The following RSU1 variants were observed in gnomAD, a reference collection of about 807,000 sequenced individuals.
The protein encoded by RSU1 is rsu-1.
RSU1 carries 26 observed loss-of-function variants against 31.1 expected under a neutral mutation model. That is an observed-to-expected ratio of 0.84 (90% CI 0.61 to 1.16). RSU1 has a LOEUF of 1.16. Among genes scored for constraint, RSU1 ranks in the 50% most tolerant of loss-of-function variants. The probability of loss-of-function intolerance (pLI) is 0.00; values close to 1 mark genes in which losing one functional copy is unlikely to be tolerated. For missense variants in RSU1, 320 were observed against 339.1 expected, an observed-to-expected ratio of 0.94 and a Z score of 0.44; for synonymous variants, 164 against 136.3, an observed-to-expected ratio of 1.20 and a Z score of -1.41.
At chr10:16,753,475 G>C (rs1403745484) in intron 5 of RSU1, among the ~76,000 whole-genome samples, 2 of 152,112 alleles carry the variant, frequency 1.3e-5, no homozygotes, top group Admixed American at 6.6e-5. Context: ...TTAATGGAAG[G>C]CTTTCTGGTG....
intron 8 of RSU1, among the ~76,000 whole-genome samples, chr10:16,600,699 C>T (rs1833703199): frequency 6.6e-6 from 1 of 151,828 alleles, no homozygotes; most frequent in Non-Finnish European, 1.5e-5. Context: ...GTAGCTGGGG[C>T]TACAGGTGCA....
chr10:16,674,673 A>G (rs1352110871), intron 8 of RSU1, among the ~76,000 whole-genome samples: 2 of 152,076 alleles, frequency 1.3e-5, no homozygotes, highest in Non-Finnish European at 2.9e-5. Context: ...AATGGAAAAA[A>G]CTTTGCTGAG....
intron 7 of RSU1, among the ~76,000 whole-genome samples, chr10:16,710,998 T>C (rs923220947): frequency 1.3e-5 from 2 of 152,198 alleles, no homozygotes; most frequent in South Asian, 2.1e-4. Flanking sequence ...ACATAAAGTC[T>C]TTCTTTTTTA....
At chr10:16,689,763 C>T (rs564472760) in intron 8 of RSU1, among the ~76,000 whole-genome samples, 4 of 151,988 alleles carry the variant, frequency 2.6e-5, no homozygotes, top group South Asian at 2.1e-4. Flanking sequence ...GTTAAAAAAA[C>T]GGAACACACA....
At chr10:16,631,932 G>C (rs868212501) in intron 8 of RSU1, among the ~76,000 whole-genome samples, 49 of 152,316 alleles carry the variant, frequency 3.2e-4, no homozygotes, top group African/African-American at 1.1e-3. Flanking sequence ...AAGGGGACCT[G>C]ATGTTCATGG....
At chr10:16,670,988 A>G (rs1454590945) in intron 8 of RSU1, among the ~76,000 whole-genome samples, 1 of 151,654 alleles carries the variant, frequency 6.6e-6, no homozygotes, top group Non-Finnish European at 1.5e-5. Flanking sequence ...CTGGTCTTGA[A>G]CTCCTGACCT....
At chr10:16,602,332 C>T (rs1833726821) in intron 8 of RSU1, among the ~76,000 whole-genome samples, 1 of 152,194 alleles carries the variant, frequency 6.6e-6, no homozygotes, top group African/African-American at 2.4e-5. Flanking sequence ...AGCTAACGTG[C>T]ATTCATTATT....
At chr10:16,773,348 C>A (rs1182617305) in intron 3 of RSU1, among the ~76,000 whole-genome samples, 1 of 152,142 alleles carries the variant, frequency 6.6e-6, no homozygotes, top group Non-Finnish European at 1.5e-5. Flanking sequence ...AGGCCCAGGG[C>A]TAGGAAAATC....
At chr10:16,644,107 G>GT (rs1834493441) in intron 8 of RSU1, among the ~76,000 whole-genome samples, 1 of 151,152 alleles carries the variant, frequency 6.6e-6, no homozygotes. Flanking sequence ...GAGGGTGGTG[G>GT]GGGGGGGTCC....
chr10:16,678,147 G>C (rs927154754), intron 8 of RSU1, among the ~76,000 whole-genome samples: 1 of 152,100 alleles, frequency 6.6e-6, no homozygotes, highest in Non-Finnish European at 1.5e-5. Flanking sequence ...AAAGTCTTAG[G>C]TGGGAAAATA....
At chr10:16,677,298 C>T (rs1453615522) in intron 8 of RSU1, among the ~76,000 whole-genome samples, 3 of 152,080 alleles carry the variant, frequency 2.0e-5, no homozygotes, top group African/African-American at 7.2e-5. Flanking sequence ...AACTGTGAAC[C>T]TACAGGAGAT....
At chr10:16,800,458 G>T (rs1008590695) in intron 2 of RSU1, among the ~76,000 whole-genome samples, 4 of 152,210 alleles carry the variant, frequency 2.6e-5, no homozygotes, top group African/African-American at 9.7e-5. Context: ...CCTCTGACTG[G>T]CTCATTAGTA....
At chr10:16,797,626 G>A (rs1838065798) in intron 2 of RSU1, among the ~76,000 whole-genome samples, 1 of 151,904 alleles carries the variant, frequency 6.6e-6, no homozygotes, top group African/African-American at 2.4e-5. Flanking sequence ...AACTATAATT[G>A]ACTATTTCAA....
chr10:16,646,061 T>TATAC (rs1409234559), intron 8 of RSU1, among the ~76,000 whole-genome samples: 1 of 78,934 alleles, frequency 1.3e-5, no homozygotes, highest in Admixed American at 1.3e-4. Context: ...TATATATATA[T>TATAC]ACACACACAC....
At chr10:16,794,482 A>C (rs80043547) in intron 2 of RSU1, among the ~76,000 whole-genome samples, 2,246 of 152,248 alleles carry the variant, frequency 0.015, 29 homozygotes, top group Admixed American at 0.023. Context: ...TGTATTGACT[A>C]ATTTTTCTAG....
intron 7 of RSU1, among the ~76,000 whole-genome samples, chr10:16,727,735 T>A (rs989054606): frequency 6.6e-6 from 1 of 152,180 alleles, no homozygotes; most frequent in Non-Finnish European, 1.5e-5. Context: ...GCATTCAAGA[T>A]ACCACTAGCC....
intron 8 of RSU1, among the ~76,000 whole-genome samples, chr10:16,647,588 TA>T (rs1403090046): frequency 8.5e-5 from 13 of 152,132 alleles, no homozygotes; most frequent in Non-Finnish European, 1.9e-4. Flanking sequence ...TAACATATGG[TA>T]TGACTCCATT....
At chr10:16,638,425 T>C (rs1302813959) in intron 8 of RSU1, among the ~76,000 whole-genome samples, 2 of 152,132 alleles carry the variant, frequency 1.3e-5, no homozygotes, top group African/African-American at 4.8e-5. Context: ...GAAACCCCAG[T>C]GGGTTTATGA....
At chr10:16,655,822 C>T (rs1834767155) in intron 8 of RSU1, among the ~76,000 whole-genome samples, 1 of 152,126 alleles carries the variant, frequency 6.6e-6, no homozygotes, top group Admixed American at 6.5e-5. Context: ...AGATACAATG[C>T]TATTGCACGC....
Sources: allele counts gnomAD v4.1 joint callset (sites outside exome capture counted in the v4.1 genomes callset), GRCh38; gene constraint gnomAD v4.1.1; transcripts MANE v1.5; gene names NCBI Gene and HGNC (gene_info 2026-07-23, HGNC 2026-07-21).